Variants in ELF2 observed in about 807,000 individuals in gnomAD.
The protein encoded by ELF2 is ETS-related transcription factor Elf-2.
ELF2 carries 11 observed loss-of-function variants against 54.8 expected under a neutral mutation model. That is an observed-to-expected ratio of 0.20 (90% CI 0.13 to 0.33). The LOEUF is 0.33. ELF2 is among the 10% of genes least tolerant of loss of function. The pLI is 1.00. For missense variants in ELF2, 513 were observed against 703.0 expected (o/e 0.73, Z 3.06); for synonymous variants, 203 against 245.1 (o/e 0.83, Z 1.61).
chr4:139,087,497 G>A (rs576359717), intron 4 of ELF2, among the ~76,000 whole-genome samples: 2 of 152,174 alleles, frequency 1.3e-5, no homozygotes, highest in East Asian at 3.9e-4. Flanking sequence ...ACAGAGTCTC[G>A]CTCTGTTGCC....
chr4:139,169,042 G>A (rs754072424), intron 1 of ELF2, among the ~76,000 whole-genome samples: 3 of 152,064 alleles, frequency 2.0e-5, no homozygotes, highest in Non-Finnish European at 2.9e-5. Flanking sequence ...GGTGGCTCAC[G>A]CCAGTAATCC....
At chr4:139,070,425 G>A (rs1400184038) in intron 6 of ELF2, among the ~76,000 whole-genome samples, 1 of 151,818 alleles carries the variant, frequency 6.6e-6, no homozygotes, top group South Asian at 2.1e-4. Flanking sequence ...CGAAAAGCTG[G>A]GACTACAGGC....
At chr4:139,151,023 CA>C (rs79837347) in intron 1 of ELF2, among the ~76,000 whole-genome samples, 18 of 48,324 alleles carry the variant, frequency 3.7e-4, no homozygotes, top group Admixed American at 1.3e-3. Context: ...GGCTCCATCT[CA>C]AAAAAAAAAA....
chr4:139,124,331 G>A (rs1247048573), intron 4 of ELF2, among the ~76,000 whole-genome samples: 3 of 152,196 alleles, frequency 2.0e-5, no homozygotes, highest in Non-Finnish European at 4.4e-5. Context: ...GAAGAGGCTA[G>A]TAGCCCTAAG....
chr4:139,142,268 T>G (rs1378345090), intron 1 of ELF2, among the ~76,000 whole-genome samples: 2 of 151,906 alleles, frequency 1.3e-5, no homozygotes, highest in Non-Finnish European at 2.9e-5. Context: ...AAAGTAGAAG[T>G]GAGTTGTGGC....
rs974839745 is a variant in ELF2, at chr4:139,058,281, A to T, written c.*702T>A. 1.1e-4 allele frequency: 17 copies of T among 151,796 alleles called. No individual in the cohort carries two copies. The highest frequency in any genetic ancestry group is 2.4e-5 in the African/African-American group (1 of 41,384). 9.4% of individuals were successfully genotyped at this position (151,796 alleles called of 1,614,324 possible). On this transcript the variant is annotated 3_prime_UTR_variant, in exon 10 of 10. Coordinates refer to ENST00000686138, the MANE Select transcript of ELF2 (RefSeq NM_001331036.3). ...CTGTGCTAGGTACAAGATTTTTAAA[A>T]TTTTTCTTTTAATAAAAAAGCTTTA...
At chr4:139,068,028 C>T (rs1448783651) in intron 6 of ELF2, among the ~76,000 whole-genome samples, 2 of 151,786 alleles carry the variant, frequency 1.3e-5, no homozygotes, top group African/African-American at 4.8e-5. Context: ...CTTGATTTGC[C>T]AATCTTTTTT....
chr4:139,127,467 T>C (rs1235343292), intron 3 of ELF2, among the ~76,000 whole-genome samples: 2 of 152,200 alleles, frequency 1.3e-5, no homozygotes, highest in South Asian at 2.1e-4. Context: ...TATGATAATA[T>C]TGCCCTTTCC....
At chr4:139,078,610 G>A (rs1192502203) in intron 4 of ELF2, among the ~76,000 whole-genome samples, 1 of 149,086 alleles carries the variant, frequency 6.7e-6, no homozygotes, top group African/African-American at 2.5e-5. Flanking sequence ...GAGGGGGAGA[G>A]CGAACTGCCC....
rs111787816 is a variant in ELF2, at chr4:139,173,451, A to G, written c.-252+3516T>C. ...GTAATATGTCCATAAATAGAATATT[A>G]CTCATCAATAAAAAAAATGATTACA... is the stretch of plus-strand genomic sequence containing the variant. On this transcript the variant is annotated intron_variant, in intron 1 of 9. Coordinates refer to ENST00000686138, the MANE Select transcript of ELF2 (RefSeq NM_001331036.3). Among the ~76,000 whole-genome samples the G allele has an allele frequency of 9.2e-3, 1,408 of 152,256 alleles. 21 individuals are homozygous for G. Among genetic ancestry groups the G allele is most frequent in the Non-Finnish European group, 0.011 (760 of 68,024 alleles).
At chr4:139,097,897 A>C (rs949008450) in intron 4 of ELF2, among the ~76,000 whole-genome samples, 20 of 152,106 alleles carry the variant, frequency 1.3e-4, no homozygotes, top group Admixed American at 4.6e-4. Context: ...TATTTTTTGC[A>C]GAGACAGAGT....
At chr4:139,074,398 T>C (rs1338985659) in intron 4 of ELF2, among the ~76,000 whole-genome samples, 7 of 152,174 alleles carry the variant, frequency 4.6e-5, no homozygotes, top group African/African-American at 1.2e-4. Context: ...CAGACCCTCT[T>C]GAATGACTGA....
intron 6 of ELF2, among the ~76,000 whole-genome samples, chr4:139,068,623 T>C (rs1729064860): frequency 6.6e-6 from 1 of 152,232 alleles, no homozygotes. Context: ...TAAAGGTTTG[T>C]GTCCTTCCCT....
chr4:139,125,779 CAAAAAAA>C (rs367767700), intron 3 of ELF2, among the ~76,000 whole-genome samples: 89 of 96,524 alleles, frequency 9.2e-4, no homozygotes, highest in Non-Finnish European at 1.0e-3. Context: ...AGTCTGGCAG[CAAAAAAA>C]AAAAAAAAAA....
At chr4:139,132,870 ATAT>A (rs1560848602) in intron 3 of ELF2, among the ~76,000 whole-genome samples, 102 of 96,412 alleles carry the variant, frequency 1.1e-3, no homozygotes, top group South Asian at 2.1e-3. Flanking sequence ...ATATATATAT[ATAT>A]AAAATATGTA....
At chr4:139,155,744 C>T (rs770720205) in intron 1 of ELF2, among the ~76,000 whole-genome samples, 11 of 152,056 alleles carry the variant, frequency 7.2e-5, no homozygotes, top group African/African-American at 2.4e-4. Flanking sequence ...AGAAAGAATT[C>T]GCTTTTGAAA....
chr4:139,060,276 C>G, intron 9 of ELF2, 48 bp downstream of exon 9: 1 of 1,468,336 alleles, frequency 6.8e-7, no homozygotes, highest in South Asian at 1.4e-5. Flanking sequence ...ACCACGGAGA[C>G]TTTTTTAAAA....
At position 139,058,674 on chromosome 4, in the gene ELF2, G is replaced by A. The variant is rs1181453873; in HGVS notation, c.*309C>T. Reference sequence around the variant, plus strand: ...AAAACTATATAACCTCTTACAGAATGTTAGTGTTCCAAGTCTTAGTGTAAC... The same window carrying A: ...AAAACTATATAACCTCTTACAGAATATTAGTGTTCCAAGTCTTAGTGTAAC... On this transcript the variant is annotated 3_prime_UTR_variant, in exon 10 of 10. Coordinates refer to ENST00000686138, the MANE Select transcript of ELF2 (RefSeq NM_001331036.3). 1 of 268,344 alleles carries A rather than the reference G, an allele frequency of 3.7e-6. No homozygotes were observed. Among genetic ancestry groups the A allele is most frequent in the East Asian group, 8.5e-5 (1 of 11,810 alleles). 16.6% of individuals were successfully genotyped at this position (268,344 alleles called of 1,614,324 possible).
chr4:139,127,964 CA>C (rs1174310299), intron 3 of ELF2, among the ~76,000 whole-genome samples: 3,220 of 76,798 alleles, frequency 0.042, 97 homozygotes, highest in African/African-American at 0.12. Context: ...GACTCGGTCT[CA>C]AAAAAAAAAA....
Sources: allele counts gnomAD v4.1 joint callset (sites outside exome capture counted in the v4.1 genomes callset), GRCh38; gene constraint gnomAD v4.1.1; transcripts MANE v1.5; gene names NCBI Gene and HGNC (gene_info 2026-07-23, HGNC 2026-07-21).